Variants in DEPTOR observed in about 807,000 individuals in gnomAD.
The protein encoded by DEPTOR is DEP domain containing MTOR interacting protein, also known as DEP domain-containing mTOR-interacting protein.
A neutral mutation model predicts 41.6 loss-of-function variants in DEPTOR; 41 were observed. The observed-to-expected ratio is 0.98, with a 90% CI of 0.77 to 1.28. The LOEUF is 1.28. Among genes scored for constraint, DEPTOR ranks in the 50% most tolerant of loss-of-function variants. The pLI, the probability that DEPTOR is intolerant of heterozygous loss-of-function variation, is 0.00. For synonymous variants in DEPTOR, 195 were observed against 192.3 expected, an observed-to-expected ratio of 1.01 and a Z score of -0.12; for missense variants, 514 against 527.9, an observed-to-expected ratio of 0.97 and a Z score of 0.26.
rs552975565 is a variant in DEPTOR, at chr8:119,952,343, T to C, written c.426-12889T>C. Among the ~76,000 whole-genome samples the C allele has an allele frequency of 7.2e-5, 11 of 152,314 alleles. No homozygotes were observed. In the East Asian group the frequency reaches 2.1e-3, roughly 29 times the overall value. On this transcript the variant is annotated intron_variant, in intron 3 of 8. Coordinates refer to ENST00000286234, the MANE Select transcript of DEPTOR (RefSeq NM_022783.4). ...CAGGCACCTTCTGCTCTTTCCGTCATGCTGGTGCAGCCCCTCACCTCCACA... is the reference window on the plus strand; with the variant it reads ...CAGGCACCTTCTGCTCTTTCCGTCACGCTGGTGCAGCCCCTCACCTCCACA...
chr8:120,030,919 G>C (rs1427518429), intron 8 of DEPTOR, among the ~76,000 whole-genome samples: 4 of 152,064 alleles, frequency 2.6e-5, no homozygotes, highest in African/African-American at 9.7e-5. Flanking sequence ...ACTCAGGTAG[G>C]GGGTGTTGAT....
Position 120,021,702 on chromosome 8 carries a change from G to C in DEPTOR, c.1101+12569G>C, listed in dbSNP as rs1812718428. On this transcript the variant is annotated intron_variant, in intron 8 of 8. Coordinates refer to ENST00000286234, the MANE Select transcript of DEPTOR (RefSeq NM_022783.4). ...CTAGTCTTAGAAAAACTAAGTCTAG[G>C]TTTCTCATTTTTAAGTAGCAATAAT... 2.0e-5 allele frequency among the ~76,000 whole-genome samples: 3 copies of C among 152,058 alleles called. No homozygotes were observed. In the South Asian group the frequency reaches 6.2e-4, roughly 32 times the overall value.
chr8:120,000,619 C>T (rs1455284658), intron 4 of DEPTOR, among the ~76,000 whole-genome samples: 2 of 151,874 alleles, frequency 1.3e-5, no homozygotes, highest in African/African-American at 4.8e-5. Context: ...TATGCCACCA[C>T]ACCTGGCGAA....
chr8:119,894,946 C>A (rs574536727), intron 1 of DEPTOR, among the ~76,000 whole-genome samples: 33 of 152,298 alleles, frequency 2.2e-4, no homozygotes, highest in African/African-American at 7.7e-4. Context: ...TTGTACCACA[C>A]GAGGCCATGT....
intron 3 of DEPTOR, among the ~76,000 whole-genome samples, chr8:119,932,245 A>G (rs907199730): frequency 1.3e-5 from 2 of 152,038 alleles, no homozygotes; most frequent in Non-Finnish European, 2.9e-5. Flanking sequence ...TTGGCCTCTC[A>G]AAGCACTGGG....
chr8:120,007,175 C>T (rs893925804), intron 7 of DEPTOR, among the ~76,000 whole-genome samples: 3 of 152,120 alleles, frequency 2.0e-5, no homozygotes, highest in Admixed American at 2.0e-4. Flanking sequence ...GCATCATTTG[C>T]ACTTGCATTT....
chr8:119,985,826 C>CTTTTTTT (rs999602227), intron 4 of DEPTOR, among the ~76,000 whole-genome samples: 13 of 41,634 alleles, frequency 3.1e-4, no homozygotes, highest in Admixed American at 6.8e-4. Flanking sequence ...AACCCCTGCT[C>CTTTTTTT]TTTTTTTTTT....
intron 1 of DEPTOR, among the ~76,000 whole-genome samples, chr8:119,926,552 G>A (rs1243908700): frequency 6.6e-6 from 1 of 152,166 alleles, no homozygotes; most frequent in African/African-American, 2.4e-5. Context: ...TTTGGGTCAA[G>A]CTTTTACTAC....
At chr8:120,026,742 G>A (rs1377080355) in intron 8 of DEPTOR, among the ~76,000 whole-genome samples, 1 of 152,158 alleles carries the variant, frequency 6.6e-6, no homozygotes, top group Non-Finnish European at 1.5e-5. Flanking sequence ...GGTCACTCCT[G>A]ACCATGCTGT....
At chr8:120,002,791 A>AAAAAAAAATATATATAT in intron 5 of DEPTOR, among the ~76,000 whole-genome samples, 186 bp from the exon 6 acceptor site, 1 of 60,674 alleles carries the variant, frequency 1.6e-5, no homozygotes, top group African/African-American at 7.6e-5. Context: ...AAAAAAAAAA[A>AAAAAAAAATATATATAT]ATATATATAT....
intron 4 of DEPTOR, among the ~76,000 whole-genome samples, chr8:119,992,840 T>G (rs1231892248): frequency 1.3e-5 from 2 of 151,908 alleles, no homozygotes; most frequent in Non-Finnish European, 2.9e-5. Context: ...TGTTTTTACC[T>G]GAGACAGGGT....
chr8:119,957,887 G>A (rs936820805), intron 3 of DEPTOR, among the ~76,000 whole-genome samples: 12 of 152,020 alleles, frequency 7.9e-5, no homozygotes, highest in East Asian at 3.9e-4. Context: ...CCCTGCTCCC[G>A]GCCTCTATTT....
intron 1 of DEPTOR, among the ~76,000 whole-genome samples, chr8:119,876,439 A>G (rs1036978636): frequency 3.3e-5 from 5 of 152,118 alleles, no homozygotes; most frequent in Admixed American, 6.5e-5. Context: ...GGAGTTCAAG[A>G]CCAGCCTGAC....
intron 1 of DEPTOR, among the ~76,000 whole-genome samples, chr8:119,914,099 G>A (rs1476058848): frequency 1.3e-5 from 2 of 150,540 alleles, no homozygotes; most frequent in Non-Finnish European, 2.9e-5. Context: ...AGGCTGGAGT[G>A]CAGTGGCATG....
chr8:119,984,511 A>C (rs1432997888), intron 4 of DEPTOR, among the ~76,000 whole-genome samples: 4 of 152,250 alleles, frequency 2.6e-5, no homozygotes, highest in Admixed American at 2.6e-4. Flanking sequence ...GGGTGAGAAC[A>C]TGCAGTGTTT....
chr8:119,954,071 G>C (rs1045587919), intron 3 of DEPTOR, among the ~76,000 whole-genome samples: 18 of 151,874 alleles, frequency 1.2e-4, no homozygotes, highest in African/African-American at 4.1e-4. Context: ...CTCCCAAAGT[G>C]CTGTGATTAC....
intron 3 of DEPTOR, among the ~76,000 whole-genome samples, chr8:119,939,256 G>A (rs1246448399): frequency 5.3e-5 from 8 of 152,112 alleles, no homozygotes; most frequent in African/African-American, 1.2e-4. Flanking sequence ...TTGTTGGCTC[G>A]CTCATCTTCT....
intron 3 of DEPTOR, among the ~76,000 whole-genome samples, chr8:119,933,887 T>G (rs1828076714): frequency 6.6e-6 from 1 of 152,034 alleles, no homozygotes. Context: ...CTTTTTTATT[T>G]TTATTTTTAT....
At chr8:119,924,296 T>C (rs572527993) in intron 1 of DEPTOR, among the ~76,000 whole-genome samples, 1 of 152,306 alleles carries the variant, frequency 6.6e-6, no homozygotes, top group South Asian at 2.1e-4. Flanking sequence ...TTTGGGAGGC[T>C]TCACTGTTAG....
Sources: allele counts gnomAD v4.1 joint callset (sites outside exome capture counted in the v4.1 genomes callset), GRCh38; gene constraint gnomAD v4.1.1; transcripts MANE v1.5; gene names NCBI Gene and HGNC (gene_info 2026-07-23, HGNC 2026-07-21).